TANGO6: variants seen among roughly 807,000 people sequenced by gnomAD.
TANGO6 encodes transport and golgi organization 6 homolog.
Under a neutral mutation model 114.2 loss-of-function variants are expected in TANGO6, and 90 were observed. The ratio of observed to expected loss-of-function variants is 0.79; its 90% CI spans 0.66 to 0.94. TANGO6 has a LOEUF of 0.94. Ranked by LOEUF, TANGO6 falls within the 40% of genes least tolerant of loss-of-function variation. The pLI is 0.00. For missense variants in TANGO6, 1,274 were observed against 1,315.3 expected, an observed-to-expected ratio of 0.97 and a Z score of 0.49; for synonymous variants, 477 against 509.8, an observed-to-expected ratio of 0.94 and a Z score of 0.87.
At chr16:68,867,358 T>A in intron 4 of TANGO6, 138 bp downstream of exon 4, 1 of 1,135,006 alleles carries the variant, frequency 8.8e-7, no homozygotes, top group Non-Finnish European at 1.3e-6. Context: ...TTGAACAGGT[T>A]AAACTTAGAG....
chr16:69,045,769 T>A (rs1203150770), intron 17 of TANGO6, among the ~76,000 whole-genome samples: 2 of 146,668 alleles, frequency 1.4e-5, no homozygotes, highest in South Asian at 2.1e-4. Flanking sequence ...TAAAAATAAA[T>A]AAAAAATTAA....
At position 68,919,916 on chromosome 16, in the gene TANGO6, G is replaced by A. The variant is rs138668031; in HGVS notation, c.2127+697G>A. Among the ~76,000 whole-genome samples the A allele has an allele frequency of 3.8e-3, 581 of 152,012 alleles. 24 individuals are homozygous for A. In the East Asian group the frequency reaches 0.1, roughly 26 times the overall value. Reference sequence around the variant, plus strand: ...AAAAAAATTAGCTGGGCGTGGTGGCGGGTGCCTGTAATCCCAGCTACTCGG... The same window carrying A: ...AAAAAAATTAGCTGGGCGTGGTGGCAGGTGCCTGTAATCCCAGCTACTCGG... On this transcript the variant is annotated intron_variant, in intron 12 of 17. Coordinates refer to ENST00000261778, the MANE Select transcript of TANGO6 (RefSeq NM_024562.2).
chr16:68,930,226 TTG>T lies in TANGO6; in HGVS notation c.2644-9_2644-8del. 6.4e-7 allele frequency: 1 copy of T among 1,551,698 alleles called. No homozygotes were observed. Among genetic ancestry groups the T allele is most frequent in the Non-Finnish European group, 8.7e-7 (1 of 1,146,500 alleles). On this transcript the variant is annotated splice_polypyrimidine_tract_variant and intron_variant, in intron 13 of 17. Coordinates refer to ENST00000261778, the MANE Select transcript of TANGO6 (RefSeq NM_024562.2). ...TTGTAAATCTTATCACTGCTGTATT[TTG>T]TGGTTCCAGATATTCTTGGAAAACT...
chr16:68,849,160 C>T (rs551343408), intron 1 of TANGO6, among the ~76,000 whole-genome samples: 1 of 152,228 alleles, frequency 6.6e-6, no homozygotes, highest in Admixed American at 6.5e-5. Flanking sequence ...CATGGCGAAA[C>T]CCTGTCTCTA....
chr16:68,950,031 C>G (rs915623735), intron 14 of TANGO6, among the ~76,000 whole-genome samples: 2 of 152,048 alleles, frequency 1.3e-5, no homozygotes, highest in African/African-American at 4.8e-5. Flanking sequence ...GAAAAGAAGC[C>G]AGACACAAAA....
rs1009888199 is a variant in TANGO6 at position 68,976,414 on chromosome 16, T to A, written c.2842+2246T>A. On this transcript the variant is annotated intron_variant, in intron 15 of 17. Transcript: ENST00000261778. ...GAAGGAAAACAAATATTTTTTGCTG[T>A]TTATTGAGTGCTCATATGAAGCTAG... Among the ~76,000 whole-genome samples, 52 of 152,248 alleles carry A rather than the reference T, an allele frequency of 3.4e-4. 1 individual carries two copies. Among genetic ancestry groups the A allele is most frequent in the Non-Finnish European group, 2.2e-4 (15 of 68,038 alleles).
intron 16 of TANGO6, among the ~76,000 whole-genome samples, chr16:69,023,311 C>T (rs1032758067): frequency 6.6e-6 from 1 of 152,006 alleles, no homozygotes; most frequent in African/African-American, 2.4e-5. Flanking sequence ...CAAAAATCAG[C>T]TGGGCGTGGT....
At chr16:69,078,867 A>G (rs768152586) in intron 17 of TANGO6, among the ~76,000 whole-genome samples, 9 of 151,784 alleles carry the variant, frequency 5.9e-5, no homozygotes, top group African/African-American at 2.2e-4. Context: ...TCAGCCTCCT[A>G]TCTCAGCCTG....
At chr16:68,999,666 C>G (rs982270589) in intron 15 of TANGO6, among the ~76,000 whole-genome samples, 1 of 152,140 alleles carries the variant, frequency 6.6e-6, no homozygotes, top group Non-Finnish European at 1.5e-5. Context: ...TTGTTTTATA[C>G]TCCTTAGAGG....
At chr16:68,863,758 A>G (rs1223157791) in intron 3 of TANGO6, among the ~76,000 whole-genome samples, 1 of 152,260 alleles carries the variant, frequency 6.6e-6, no homozygotes, top group Non-Finnish European at 1.5e-5. Flanking sequence ...TGGATAATGT[A>G]TTTGAAGTCA....
chr16:68,897,202 C>A (rs902323873), intron 7 of TANGO6, among the ~76,000 whole-genome samples: 1 of 152,134 alleles, frequency 6.6e-6, no homozygotes, highest in Non-Finnish European at 1.5e-5. Flanking sequence ...CTGTGCCCAG[C>A]TGATAAGTGC....
chr16:68,995,068 C>A (rs1014182474), intron 15 of TANGO6, among the ~76,000 whole-genome samples: 1 of 152,144 alleles, frequency 6.6e-6, no homozygotes, highest in South Asian at 2.1e-4. Context: ...TATCAAGTTT[C>A]TTTTTGTTTA....
At chr16:68,956,964 G>T (rs1310154772) in intron 14 of TANGO6, among the ~76,000 whole-genome samples, 2 of 152,166 alleles carry the variant, frequency 1.3e-5, no homozygotes, top group African/African-American at 4.8e-5. Context: ...CTCAAGCAGG[G>T]AATTAGAATT....
chr16:69,009,646 T>C (rs945887400), intron 15 of TANGO6, among the ~76,000 whole-genome samples: 3 of 152,218 alleles, frequency 2.0e-5, no homozygotes, highest in Admixed American at 6.5e-5. Flanking sequence ...ACTTTGGATA[T>C]TGCCATTGTA....
intron 15 of TANGO6, among the ~76,000 whole-genome samples, chr16:69,010,107 C>T (rs1213292629): frequency 1.3e-5 from 2 of 152,122 alleles, no homozygotes; most frequent in African/African-American, 4.8e-5. Context: ...TTGCTACCCT[C>T]ACTAAATGGA....
At chr16:69,002,187 C>G (rs905764435) in intron 15 of TANGO6, among the ~76,000 whole-genome samples, 1 of 152,032 alleles carries the variant, frequency 6.6e-6, no homozygotes, top group African/African-American at 2.4e-5. Flanking sequence ...ACCATAGGTC[C>G]TCTCATGTGA....
chr16:68,852,220 C>A (rs1961912923), intron 1 of TANGO6, among the ~76,000 whole-genome samples: 1 of 151,942 alleles, frequency 6.6e-6, no homozygotes, highest in South Asian at 2.1e-4. Flanking sequence ...GGTAGAAAGA[C>A]AATAAACAAT....
intron 14 of TANGO6, among the ~76,000 whole-genome samples, chr16:68,940,604 G>T (rs1963343288): frequency 6.9e-6 from 1 of 143,946 alleles, no homozygotes; most frequent in African/African-American, 3.0e-5. Flanking sequence ...CTTTCTATGT[G>T]GCCTATACAT....
At chr16:68,930,828 G>A (rs1483715083) in intron 14 of TANGO6, among the ~76,000 whole-genome samples, 1 of 151,772 alleles carries the variant, frequency 6.6e-6, no homozygotes, top group Non-Finnish European at 1.5e-5. Flanking sequence ...GTAGAGACAA[G>A]GTTTCACCAT....
Sources: gnomAD v4.1 joint callset for allele counts (sites outside exome capture counted in the v4.1 genomes callset) on GRCh38, gnomAD v4.1.1 for gene constraint, MANE v1.5 for transcripts, NCBI Gene and HGNC (gene_info 2026-07-23, HGNC 2026-07-21) for gene names.